Variants in NBAS observed in about 807,000 individuals in gnomAD.
NBAS encodes the protein NBAS subunit of NRZ tethering complex.
NBAS carries 219 observed loss-of-function variants against 302.5 expected under a neutral mutation model. The observed-to-expected ratio is 0.72, with a 90% CI of 0.65 to 0.81. NBAS has a LOEUF of 0.81. Ranked by LOEUF, NBAS falls within the 30% of genes least tolerant of loss-of-function variation. The pLI, the probability that NBAS is intolerant of heterozygous loss-of-function variation, is 0.00. For missense variants in NBAS, 2,932 were observed against 2,841.6 expected (o/e 1.03, Z -0.72); for synonymous variants, 1,118 against 1,021.6 (o/e 1.09, Z -1.80).
intron 21 of NBAS, among the ~76,000 whole-genome samples, chr2:15,440,119 T>C (rs1046823942): frequency 6.6e-6 from 1 of 152,216 alleles, no homozygotes; most frequent in Non-Finnish European, 1.5e-5. Context: ...CTCTGCAGAC[T>C]TAAATGTCCA....
intron 35 of NBAS, among the ~76,000 whole-genome samples, chr2:15,331,713 T>G (rs576112386): frequency 1.3e-5 from 2 of 152,312 alleles, no homozygotes; most frequent in South Asian, 4.1e-4. Flanking sequence ...AACAAATACT[T>G]AAAACTCACT....
At chr2:15,443,881 C>T (rs1678580891) in intron 21 of NBAS, among the ~76,000 whole-genome samples, 1 of 152,134 alleles carries the variant, frequency 6.6e-6, no homozygotes, top group African/African-American at 2.4e-5. Flanking sequence ...AGAGCCAAAG[C>T]ATGAGAGAAC....
chr2:15,444,817 A>T (rs1678637005), intron 21 of NBAS, among the ~76,000 whole-genome samples: 2 of 152,202 alleles, frequency 1.3e-5, no homozygotes, highest in African/African-American at 4.8e-5. Flanking sequence ...AGAAAAAAAC[A>T]AACAATCCTG....
chr2:15,344,758 C>A (rs1299407711), intron 35 of NBAS, among the ~76,000 whole-genome samples: 2 of 152,150 alleles, frequency 1.3e-5, no homozygotes, highest in African/African-American at 4.8e-5. Flanking sequence ...ACGCGAAAAT[C>A]CTCAATAAAA....
chr2:15,046,352 A>T, the NBAS span, among the ~76,000 whole-genome samples: 5 of 152,230 alleles, frequency 3.3e-5, no homozygotes, highest in Non-Finnish European at 7.3e-5. Context: ...GTCTTAAAAC[A>T]TTTTTAAGAA....
intron 6 of NBAS, among the ~76,000 whole-genome samples, chr2:15,548,284 T>C (rs1056783076): frequency 3.9e-5 from 6 of 152,288 alleles, no homozygotes; most frequent in South Asian, 2.1e-4. Flanking sequence ...TTGGGTGAGA[T>C]ATGGCCCCTG....
intron 32 of NBAS, among the ~76,000 whole-genome samples, chr2:15,358,859 A>C (rs572673921): frequency 6.6e-6 from 1 of 152,300 alleles, no homozygotes; most frequent in East Asian, 1.9e-4. Flanking sequence ...TTTTCCTTCT[A>C]AAGGCTAACA....
the NBAS span, among the ~76,000 whole-genome samples, chr2:15,000,195 G>T: frequency 6.6e-6 from 1 of 152,192 alleles, no homozygotes; most frequent in African/African-American, 2.4e-5. Flanking sequence ...ATCTCACTGG[G>T]CTGGGATCAA....
At chr2:15,239,393 G>A (rs1051514902) in intron 44 of NBAS, among the ~76,000 whole-genome samples, 5 of 85,020 alleles carry the variant, frequency 5.9e-5, no homozygotes, top group African/African-American at 1.8e-4. Flanking sequence ...GTGTGCGTGT[G>A]TGTGTGTGTA....
At chr2:15,045,131 C>A in the NBAS span, among the ~76,000 whole-genome samples, 1 of 152,158 alleles carries the variant, frequency 6.6e-6, no homozygotes, top group Admixed American at 6.5e-5. Context: ...CTGAAGCCTG[C>A]AAATCAGACA....
At chr2:14,940,836 C>T in the NBAS span, among the ~76,000 whole-genome samples, 1 of 152,228 alleles carries the variant, frequency 6.6e-6, no homozygotes, top group Non-Finnish European at 1.5e-5. Flanking sequence ...CTTTCATACA[C>T]ATATCTCCAT....
the NBAS span, among the ~76,000 whole-genome samples, chr2:14,961,669 T>G: frequency 6.6e-6 from 1 of 152,204 alleles, no homozygotes; most frequent in South Asian, 2.1e-4. Context: ...AAATAATAAT[T>G]TCATTCTTAT....
At chr2:14,852,485 T>C in the NBAS span, among the ~76,000 whole-genome samples, 2 of 102,798 alleles carry the variant, frequency 1.9e-5, no homozygotes, top group South Asian at 3.0e-4. Context: ...AGAATCAATA[T>C]CGTGAAAATG....
At chr2:15,440,016 G>A (rs991773116) in intron 21 of NBAS, among the ~76,000 whole-genome samples, 3 of 152,268 alleles carry the variant, frequency 2.0e-5, no homozygotes, top group Admixed American at 2.0e-4. Flanking sequence ...GCTCGAACTG[G>A]GCGGAGCCCA....
At chr2:15,285,213 T>C (rs972848542) in intron 42 of NBAS, among the ~76,000 whole-genome samples, 1 of 152,162 alleles carries the variant, frequency 6.6e-6, no homozygotes, top group Non-Finnish European at 1.5e-5. Context: ...AAAAAGGAAA[T>C]GTTAAAATTT....
chr2:14,997,166 G>C, the NBAS span, among the ~76,000 whole-genome samples: 1 of 152,124 alleles, frequency 6.6e-6, no homozygotes, highest in Admixed American at 6.5e-5. Context: ...TGGAGGGAGA[G>C]GAGCAGGAGA....
intron 1 of NBAS, 62 bp from the exon 2 acceptor site, chr2:15,558,696 C>T (rs1664764804): frequency 1.6e-6 from 2 of 1,233,254 alleles, no homozygotes; most frequent in Admixed American, 3.7e-5. Flanking sequence ...ACCAGTATTA[C>T]TTATACAATA....
chr2:14,965,067 C>A, the NBAS span, among the ~76,000 whole-genome samples: 3 of 151,690 alleles, frequency 2.0e-5, no homozygotes, highest in Non-Finnish European at 4.4e-5. Context: ...TACTAGATAC[C>A]TGCATTAGAA....
intron 9 of NBAS, among the ~76,000 whole-genome samples, chr2:15,528,879 A>AATATATATG (rs1663070302): frequency 8.9e-6 from 1 of 111,814 alleles, no homozygotes; most frequent in African/African-American, 3.2e-5. Context: ...AAAAAAAAAA[A>AATATATATG]TATATATATA....
Sources: allele counts gnomAD v4.1 joint callset (sites outside exome capture counted in the v4.1 genomes callset), GRCh38; gene constraint gnomAD v4.1.1; transcripts MANE v1.5; gene names NCBI Gene and HGNC (gene_info 2026-07-23, HGNC 2026-07-21).